Variants in BICC1 observed in about 807,000 individuals in gnomAD.
BICC1 encodes the protein BicC family RNA binding protein 1.
Under a neutral mutation model 111.0 loss-of-function variants are expected in BICC1, and 43 were observed. The ratio of observed to expected loss-of-function variants is 0.39; its 90% CI spans 0.30 to 0.50. BICC1 has a LOEUF of 0.50. Ranked by LOEUF, BICC1 falls within the 20% of genes least tolerant of loss-of-function variation. The pLI is 0.88. For missense variants in BICC1, 1,091 were observed against 1,203.2 expected, an observed-to-expected ratio of 0.91 and a Z score of 1.38; for synonymous variants, 467 against 434.4, an observed-to-expected ratio of 1.07 and a Z score of -0.93.
chr10:58,754,941 T>C (rs1427329963), intron 3 of BICC1, among the ~76,000 whole-genome samples: 1 of 152,144 alleles, frequency 6.6e-6, no homozygotes, highest in Non-Finnish European at 1.5e-5. Flanking sequence ...GTGAGCCCCT[T>C]ATAGGTCTGG....
chr10:58,731,707 GGAGAGAGAGAGAGA>G (rs60117655), intron 3 of BICC1, among the ~76,000 whole-genome samples: 4 of 147,776 alleles, frequency 2.7e-5, no homozygotes, highest in Non-Finnish European at 4.5e-5. Context: ...CAGGACAAGG[GGAGAGAGAGAGAGA>G]GAGAGAGAGA....
At chr10:58,635,841 C>T (rs912131415) in intron 2 of BICC1, among the ~76,000 whole-genome samples, 1 of 152,098 alleles carries the variant, frequency 6.6e-6, no homozygotes, top group Non-Finnish European at 1.5e-5. Flanking sequence ...TTTTTTTCCT[C>T]TTTGTCTCTG....
chr10:58,789,199 TAC>T lies in BICC1; in HGVS notation c.601-59_601-58del. 6 of 1,362,610 alleles carry T rather than the reference TAC, an allele frequency of 4.4e-6. No homozygotes were observed. The South Asian group carries it at 7.8e-5, about 18-fold the overall frequency. The allele number at this position is 1,362,610 out of a possible 1,614,324, so 84.4% of individuals were successfully genotyped here. A position where few individuals can be genotyped will look rare whatever the true frequency, so the allele number is the denominator to read the frequency against. On this transcript the variant is annotated intron_variant, in intron 6 of 20. Transcript: ENST00000373886. ...TCTTCAGAAAAGAACCAATGAATGA[TAC>T]ACATGTCTGAATGTCTAATGCTTTA... is the stretch of plus-strand genomic sequence containing the variant.
chr10:58,615,037 T>C (rs1845554475), intron 1 of BICC1, among the ~76,000 whole-genome samples: 1 of 152,070 alleles, frequency 6.6e-6, no homozygotes, highest in East Asian at 1.9e-4. Context: ...TTAAAACTAT[T>C]TTTAGCCTTA....
At chr10:58,659,590 A>G (rs1032940390) in intron 2 of BICC1, among the ~76,000 whole-genome samples, 4 of 152,092 alleles carry the variant, frequency 2.6e-5, no homozygotes, top group Admixed American at 6.6e-5. Flanking sequence ...GTGAGGATCC[A>G]AAAACTACCT....
At chr10:58,545,086 TTG>T (rs35419792) in intron 1 of BICC1, among the ~76,000 whole-genome samples, 74,197 of 151,614 alleles carry the variant, frequency 0.49, 18,384 homozygotes, top group South Asian at 0.55. Context: ...CTTCCAGAAA[TTG>T]TGAGACAATA....
intron 3 of BICC1, among the ~76,000 whole-genome samples, chr10:58,727,374 C>T (rs1356405015): frequency 6.6e-6 from 1 of 152,004 alleles, no homozygotes; most frequent in Non-Finnish European, 1.5e-5. Context: ...ATCACTTGAG[C>T]CCAGGAGTTC....
chr10:58,732,379 GTATATATATATATATATATATATATA>G (rs1163026692), intron 3 of BICC1, among the ~76,000 whole-genome samples: 14,063 of 75,722 alleles, frequency 0.19, 4,157 homozygotes, highest in Non-Finnish European at 0.21. Flanking sequence ...GTGTGTGTAT[GTATATATATATATATATATATATATA>G]TATATATATA....
intron 19 of BICC1, among the ~76,000 whole-genome samples, chr10:58,818,583 G>A (rs1844167431): frequency 6.6e-6 from 1 of 152,028 alleles, no homozygotes; most frequent in Non-Finnish European, 1.5e-5. Flanking sequence ...TAAATTCAAT[G>A]TACTGCCCAT....
chr10:58,665,640 A>C (rs1413259384), intron 2 of BICC1, among the ~76,000 whole-genome samples: 2 of 151,222 alleles, frequency 1.3e-5, no homozygotes, highest in Admixed American at 1.3e-4. Flanking sequence ...AAAACCAGGC[A>C]CTCATCTACA....
chr10:58,788,515 C>T (rs911147857), intron 6 of BICC1, 92 bp downstream of exon 6: 32 of 919,912 alleles, frequency 3.5e-5, no homozygotes, highest in Middle Eastern at 5.2e-4. Context: ...ATTTTATAAC[C>T]GAATCATGTT....
At chr10:58,744,122 G>A (rs991265013) in intron 3 of BICC1, among the ~76,000 whole-genome samples, 3 of 151,986 alleles carry the variant, frequency 2.0e-5, no homozygotes, top group African/African-American at 7.2e-5. Context: ...AATTCTAAGT[G>A]AGCTTTTAAA....
chr10:58,598,437 G>T (rs533345397), intron 1 of BICC1, among the ~76,000 whole-genome samples: 1 of 152,070 alleles, frequency 6.6e-6, no homozygotes, highest in Non-Finnish European at 1.5e-5. Context: ...AATGTTGTTG[G>T]GAAAACTGGC....
At chr10:58,794,943 A>T (rs1342156446) in intron 9 of BICC1, among the ~76,000 whole-genome samples, 2 of 152,194 alleles carry the variant, frequency 1.3e-5, no homozygotes, top group African/African-American at 2.4e-5. Context: ...TGAGTAAAAA[A>T]AGTATATTGC....
At chr10:58,603,225 C>G (rs1327417206) in intron 1 of BICC1, among the ~76,000 whole-genome samples, 1 of 152,108 alleles carries the variant, frequency 6.6e-6, no homozygotes, top group Non-Finnish European at 1.5e-5. Flanking sequence ...TCACATTTCT[C>G]TGTAATCATG....
At chr10:58,554,794 ATT>A (rs34123447) in intron 1 of BICC1, among the ~76,000 whole-genome samples, 68 of 144,692 alleles carry the variant, frequency 4.7e-4, no homozygotes, top group Admixed American at 9.0e-4. Context: ...CTTACATTTG[ATT>A]TTTTTTTTTT....
intron 20 of BICC1, among the ~76,000 whole-genome samples, chr10:58,826,188 CAACTT>C (rs1844389620): frequency 6.6e-6 from 1 of 152,020 alleles, no homozygotes; most frequent in Non-Finnish European, 1.5e-5. Context: ...CATTATATGA[CAACTT>C]AAAGCAAAAT....
chr10:58,625,064 G>A (rs1845945854), intron 2 of BICC1, among the ~76,000 whole-genome samples: 1 of 152,184 alleles, frequency 6.6e-6, no homozygotes, highest in Non-Finnish European at 1.5e-5. Context: ...AAGTTATCCT[G>A]TAATAGTACT....
At chr10:58,692,633 A>G (rs1318127436) in intron 2 of BICC1, among the ~76,000 whole-genome samples, 1 of 152,222 alleles carries the variant, frequency 6.6e-6, no homozygotes, top group Middle Eastern at 3.2e-3. Flanking sequence ...AAACTTGTTA[A>G]GTTCGAATAG....
Sources: gnomAD v4.1 joint callset for allele counts (sites outside exome capture counted in the v4.1 genomes callset) on GRCh38, gnomAD v4.1.1 for gene constraint, MANE v1.5 for transcripts, NCBI Gene and HGNC (gene_info 2026-07-23, HGNC 2026-07-21) for gene names.